Variants in RHOA observed in about 807,000 individuals in gnomAD.
RHOA encodes the protein transforming protein RhoA.
Under a neutral mutation model 17.5 loss-of-function variants are expected in RHOA, and 3 were observed. That is an observed-to-expected ratio of 0.17 (90% CI 0.08 to 0.44). RHOA has a LOEUF of 0.44. RHOA is among the 20% of genes least tolerant of loss of function. The pLI, the probability that RHOA is intolerant of heterozygous loss-of-function variation, is 0.99. For missense variants in RHOA, 56 were observed against 242.3 expected, an observed-to-expected ratio of 0.23 and a Z score of 5.10; for synonymous variants, 98 against 88.4, an observed-to-expected ratio of 1.11 and a Z score of -0.61.
intron 2 of RHOA, among the ~76,000 whole-genome samples, chr3:49,372,494 A>G (rs923425118): frequency 1.3e-5 from 2 of 152,174 alleles, no homozygotes; most frequent in South Asian, 4.1e-4. Flanking sequence ...TAATCCCAGC[A>G]CTTTGGGAGG....
rs10530558 is a variant in RHOA at position 49,399,054 on chromosome 3, CAAAAAAAAAAAAAAAAAA to C, written c.-3+12748_-3+12765del. 6.1e-3 allele frequency among the ~76,000 whole-genome samples: 152 copies of C among 24,850 alleles called. 3 individuals carry two copies. In the East Asian group the frequency reaches 0.22, roughly 36 times the overall value. 16.3% of individuals were successfully genotyped at this position (24,850 alleles called of 152,430 possible). ...TGCGTGACAGAGCAAGACTCCGTCT[CAAAAAAAAAAAAAAAAAA>C]AAAAAAAAAAAAAAAGGCTGGGCAC... On this transcript the variant is annotated intron_variant, in intron 1 of 4. Transcript: ENST00000418115.
intron 1 of RHOA, 43 bp downstream of exon 1, chr3:49,411,777 G>A (rs1388008357): frequency 1.3e-5 from 2 of 151,888 alleles, no homozygotes; most frequent in Non-Finnish European, 2.9e-5. Flanking sequence ...CGGGCTGGCG[G>A]GCCTGGGGCC....
chr3:49,406,978 A>C (rs1380644327), intron 1 of RHOA, among the ~76,000 whole-genome samples: 1 of 152,012 alleles, frequency 6.6e-6, no homozygotes, highest in African/African-American at 2.4e-5. Flanking sequence ...TCCCGTCTTT[A>C]CTAAAAATAC....
intron 1 of RHOA, among the ~76,000 whole-genome samples, chr3:49,382,688 G>A (rs1445852075): frequency 1.3e-5 from 2 of 152,104 alleles, no homozygotes; most frequent in Non-Finnish European, 2.9e-5. Flanking sequence ...TAATCTGCAT[G>A]GGCTTTTGCC....
At chr3:49,393,315 C>CT (rs906008105) in intron 1 of RHOA, among the ~76,000 whole-genome samples, 1 of 151,888 alleles carries the variant, frequency 6.6e-6, no homozygotes, top group Non-Finnish European at 1.5e-5. Context: ...CTTGTGTCAA[C>CT]TTTTTTTTCC....
chr3:49,410,532 G>A (rs947735324), intron 1 of RHOA, among the ~76,000 whole-genome samples: 4 of 152,190 alleles, frequency 2.6e-5, no homozygotes, highest in Non-Finnish European at 5.9e-5. Context: ...AACCAATTAA[G>A]ACAAGTTATC....
At chr3:49,363,374 C>T (rs565202140) in intron 3 of RHOA, among the ~76,000 whole-genome samples, 28 of 152,030 alleles carry the variant, frequency 1.8e-4, no homozygotes, top group African/African-American at 6.0e-4. Flanking sequence ...GAGCTGAGAT[C>T]GCGCCACTGC....
rs1553636257 is a variant in RHOA, at chr3:49,404,433, A to AAACACACACACACACACAC, written c.-3+7386_-3+7387insGTGTGTGTGTGTGTGTGTT. ...CAAAGTAAAACCCCGTCTCTAGTAA[A>AAACACACACACACACACAC]ACACACACACACACACACACACACA... is the stretch of plus-strand genomic sequence containing the variant. On this transcript the variant is annotated intron_variant, in intron 1 of 4. Transcript: ENST00000418115. 6.6e-5 allele frequency among the ~76,000 whole-genome samples: 6 copies of AAACACACACACACACACAC among 90,758 alleles called. No individual in the cohort carries two copies. In the South Asian group the frequency reaches 2.7e-3, roughly 41 times the overall value. The allele number at this position is 90,758 out of a possible 152,430, so 59.5% of individuals were successfully genotyped here.
chr3:49,382,147 G>A (rs1018677032), intron 1 of RHOA, among the ~76,000 whole-genome samples: 4 of 150,450 alleles, frequency 2.7e-5, no homozygotes, highest in East Asian at 2.0e-4. Flanking sequence ...GTGAAATCCC[G>A]TCTCTACTAA....
intron 1 of RHOA, among the ~76,000 whole-genome samples, chr3:49,395,354 C>T (rs1038685960): frequency 2.6e-5 from 4 of 152,030 alleles, no homozygotes; most frequent in Admixed American, 2.6e-4. Context: ...GAGCAATCTG[C>T]ATTCTATTCT....
At position 49,365,728 on chromosome 3, in the gene RHOA, T is replaced by C. The variant is rs558797035; in HGVS notation, c.277+2700A>G. On this transcript the variant is annotated intron_variant, in intron 3 of 4. Transcript: ENST00000418115. ...GCCTCAGCCTCCTGAGTAGCTGGGA[T>C]TACAGGTACATGCCACCATACTTGG... 1.2e-4 allele frequency among the ~76,000 whole-genome samples: 18 copies of C among 151,676 alleles called. No homozygotes were observed. In the East Asian group the frequency reaches 3.5e-3, roughly 30 times the overall value.
At chr3:49,398,101 C>G (rs938653061) in intron 1 of RHOA, among the ~76,000 whole-genome samples, 1 of 152,140 alleles carries the variant, frequency 6.6e-6, no homozygotes, top group South Asian at 2.1e-4. Flanking sequence ...TGGCTCACAC[C>G]TATAGTCCCA....
chr3:49,360,188 G>C lies in RHOA; in HGVS notation c.*21C>G. ...AGCACTTCAAAATTAACCGCATAAG[G>C]GCTGTGCTTGCAGCAAGGTTTCACA... On this transcript the variant is annotated 3_prime_UTR_variant, in exon 5 of 5. Transcript: ENST00000418115. The C allele has an allele frequency of 6.2e-7, 1 of 1,610,236 alleles. No homozygotes were observed. Among genetic ancestry groups the C allele is most frequent in the Non-Finnish European group, 8.5e-7 (1 of 1,178,426 alleles).
At chr3:49,387,443 C>CGG (rs1211486175) in intron 1 of RHOA, among the ~76,000 whole-genome samples, 1 of 61,536 alleles carries the variant, frequency 1.6e-5, no homozygotes, top group African/African-American at 4.8e-5. Context: ...GACTCCATCT[C>CGG]GGGGGAAAAA....
At chr3:49,383,255 C>A (rs2048346086) in intron 1 of RHOA, among the ~76,000 whole-genome samples, 1 of 151,468 alleles carries the variant, frequency 6.6e-6, no homozygotes, top group Non-Finnish European at 1.5e-5. Context: ...AACATTTCTA[C>A]TAAAAATACA....
At chr3:49,401,778 C>G (rs915468319) in intron 1 of RHOA, among the ~76,000 whole-genome samples, 3 of 152,124 alleles carry the variant, frequency 2.0e-5, no homozygotes, top group African/African-American at 7.2e-5. Context: ...TTTGGAATAT[C>G]TGCATTATAC....
At chr3:49,396,133 C>T (rs993127597) in intron 1 of RHOA, among the ~76,000 whole-genome samples, 7 of 152,182 alleles carry the variant, frequency 4.6e-5, no homozygotes, top group Non-Finnish European at 1.0e-4. Flanking sequence ...AGAGTCCAAA[C>T]TACATGCTTG....
intron 1 of RHOA, among the ~76,000 whole-genome samples, chr3:49,401,040 T>TGAAAAAAAA (rs2048715370): frequency 1.9e-4 from 1 of 5,240 alleles, no homozygotes; most frequent in Non-Finnish European, 4.2e-4. Context: ...AGACTCCGTC[T>TGAAAAAAAA]CAAAAAAAAA....
chr3:49,379,305 A>G (rs1013481533), intron 1 of RHOA, among the ~76,000 whole-genome samples: 3 of 152,180 alleles, frequency 2.0e-5, no homozygotes, highest in African/African-American at 7.2e-5. Context: ...GATTCCATTT[A>G]TATAAAATTG....
Sources: allele counts gnomAD v4.1 joint callset (sites outside exome capture counted in the v4.1 genomes callset), GRCh38; gene constraint gnomAD v4.1.1; transcripts MANE v1.5; gene names NCBI Gene and HGNC (gene_info 2026-07-23, HGNC 2026-07-21).